KIAA0825: variants seen among roughly 807,000 people sequenced by gnomAD.
KIAA0825 encodes KIAA0825.
KIAA0825 carries 119 observed loss-of-function variants against 147.6 expected under a neutral mutation model. The ratio of observed to expected loss-of-function variants is 0.81; its 90% confidence interval spans 0.69 to 0.94. The LOEUF is 0.94. KIAA0825 is among the 40% of genes least tolerant of loss of function. The pLI is 0.00. For synonymous variants in KIAA0825, 470 were observed against 518.1 expected, an observed-to-expected ratio of 0.91 and a Z score of 1.26; for missense variants, 1,381 against 1,472.7, an observed-to-expected ratio of 0.94 and a Z score of 1.02.
intron 20 of KIAA0825, among the ~76,000 whole-genome samples, chr5:94,285,919 A>G (rs1268161568): frequency 6.6e-6 from 1 of 152,178 alleles, no homozygotes; most frequent in Admixed American, 6.6e-5. Flanking sequence ...CCATCCTGCT[A>G]GTCCTCAAAG....
intron 14 of KIAA0825, among the ~76,000 whole-genome samples, chr5:94,426,814 A>C (rs1220686876): frequency 1.3e-5 from 2 of 152,224 alleles, no homozygotes; most frequent in African/African-American, 4.8e-5. Context: ...ACAAATACTC[A>C]CATGTACCCC....
intron 14 of KIAA0825, among the ~76,000 whole-genome samples, chr5:94,434,197 A>C (rs1756053722): frequency 6.6e-6 from 1 of 152,236 alleles, no homozygotes; most frequent in Non-Finnish European, 1.5e-5. Flanking sequence ...CTACCATGTG[A>C]AATCAGTTTA....
At chr5:94,533,379 C>T (rs1239134113) in intron 3 of KIAA0825, among the ~76,000 whole-genome samples, 7 of 150,390 alleles carry the variant, frequency 4.7e-5, no homozygotes, top group African/African-American at 9.8e-5. Context: ...TGGGTTCAAG[C>T]GATTCTCCTG....
chr5:94,274,585 A>C (rs575104603), intron 20 of KIAA0825, among the ~76,000 whole-genome samples: 23 of 152,286 alleles, frequency 1.5e-4, no homozygotes, highest in African/African-American at 5.1e-4. Context: ...GAGGCTGATC[A>C]GGTATGGTTC....
chr5:94,319,441 G>A (rs1267724242), intron 20 of KIAA0825, among the ~76,000 whole-genome samples: 4 of 151,756 alleles, frequency 2.6e-5, no homozygotes, highest in Non-Finnish European at 4.4e-5. Context: ...ATATTACTAT[G>A]TCCATCTCCT....
intron 2 of KIAA0825, among the ~76,000 whole-genome samples, chr5:94,578,682 G>T (rs1427877552): frequency 6.6e-6 from 1 of 152,134 alleles, no homozygotes; most frequent in Non-Finnish European, 1.5e-5. Flanking sequence ...AAATAAAAAT[G>T]TATTTTAAAA....
chr5:94,154,954 C>T (rs1766897266), intron 20 of KIAA0825, among the ~76,000 whole-genome samples: 1 of 152,062 alleles, frequency 6.6e-6, no homozygotes, highest in Admixed American at 6.6e-5. Flanking sequence ...CTAAGCTGTC[C>T]ACCATAATGT....
intron 20 of KIAA0825, among the ~76,000 whole-genome samples, chr5:94,288,233 A>G (rs543187019): frequency 6.6e-6 from 1 of 152,268 alleles, no homozygotes; most frequent in East Asian, 1.9e-4. Flanking sequence ...CCAGCAATTT[A>G]TAGCATCCCT....
At chr5:94,579,353 T>C (rs982856278) in intron 2 of KIAA0825, among the ~76,000 whole-genome samples, 1 of 152,204 alleles carries the variant, frequency 6.6e-6, no homozygotes, top group Non-Finnish European at 1.5e-5. Flanking sequence ...GGATAATCCA[T>C]AGATAGTACA....
At chr5:94,424,592 A>G (rs1379671389) in intron 14 of KIAA0825, among the ~76,000 whole-genome samples, 1 of 152,170 alleles carries the variant, frequency 6.6e-6, no homozygotes, top group African/African-American at 2.4e-5. Flanking sequence ...AAGCAACTCA[A>G]TGATGCACCT....
At chr5:94,410,086 A>T (rs189668169) in intron 15 of KIAA0825, among the ~76,000 whole-genome samples, 110 of 152,186 alleles carry the variant, frequency 7.2e-4, no homozygotes, top group Admixed American at 4.7e-3. Flanking sequence ...AGAATATTTA[A>T]ATGAGAAGGT....
Position 94,396,354 on chromosome 5 carries a change from C to CTTGATTGAAGA in KIAA0825, c.3042_3043insTCTTCAATCAA (p.Val1015SerfsTer8), listed in dbSNP as rs768901782. ...CATATAATTACAATCAAGTTCCAGA[C>CTTGATTGAAGA]AAGCAGGCCAGCTTTCTTCAATTCA... On this transcript the variant is annotated frameshift_variant, in exon 17 of 21. Transcript: ENST00000682413. LOFTEE classifies it high-confidence loss of function. The CTTGATTGAAGA allele has an allele frequency of 1.3e-6, 2 of 1,550,934 alleles. No individual in the cohort carries two copies. The highest frequency in any genetic ancestry group is 3.9e-5 in the Admixed American group (2 of 50,822).
chr5:94,283,243 C>G (rs930339488), intron 20 of KIAA0825, among the ~76,000 whole-genome samples: 5 of 151,998 alleles, frequency 3.3e-5, no homozygotes, highest in Admixed American at 3.3e-4. Context: ...TTCCAAAGAG[C>G]TCTGAAAATG....
At chr5:94,519,458 T>A in intron 5 of KIAA0825, 1 of 897,824 alleles carries the variant, frequency 1.1e-6, no homozygotes, top group South Asian at 5.1e-5. Flanking sequence ...GGTAGGAAAG[T>A]ACAACCACAA....
intron 20 of KIAA0825, among the ~76,000 whole-genome samples, chr5:94,290,467 TC>T (rs1777839667): frequency 1.3e-5 from 2 of 152,222 alleles, no homozygotes; most frequent in Non-Finnish European, 2.9e-5. Context: ...CACAAACTCA[TC>T]CTTTTTTATG....
At chr5:94,162,071 C>T (rs1767635717) in intron 20 of KIAA0825, among the ~76,000 whole-genome samples, 1 of 152,146 alleles carries the variant, frequency 6.6e-6, no homozygotes, top group Admixed American at 6.5e-5. Context: ...CTCTAAATGA[C>T]ACCAGTATGG....
In KIAA0825 at chr5:94,184,502, C is replaced by T. The variant is rs566752694; in HGVS notation, c.3711-30378G>A. ...ATTGATCATTCACACAAACACAGAC[C>T]TCATACTCTTTATATTAGAATGTTT... On this transcript the variant is annotated intron_variant, in intron 20 of 20. Transcript: ENST00000682413. 2.3e-4 allele frequency among the ~76,000 whole-genome samples: 35 copies of T among 152,198 alleles called. No homozygotes were observed. The East Asian group carries it at 5.8e-3, about 25-fold the overall frequency.
At chr5:94,471,399 C>A (rs1761201126) in intron 9 of KIAA0825, 67 bp downstream of exon 9, 1 of 1,448,854 alleles carries the variant, frequency 6.9e-7, no homozygotes, top group Non-Finnish European at 9.3e-7. Context: ...AAATTTCATT[C>A]CTGTGATATC....
intron 5 of KIAA0825, among the ~76,000 whole-genome samples, chr5:94,489,412 CTT>C (rs898610764): frequency 1.3e-5 from 2 of 152,094 alleles, no homozygotes; most frequent in African/African-American, 4.8e-5. Flanking sequence ...CCAAGTGAGT[CTT>C]TTGTGTGCTA....
Sources: allele counts gnomAD v4.1 joint callset (sites outside exome capture counted in the v4.1 genomes callset), GRCh38; gene constraint gnomAD v4.1.1; transcripts MANE v1.5; gene names NCBI Gene and HGNC (gene_info 2026-07-23, HGNC 2026-07-21).